SLC39A14: variants seen among roughly 807,000 people sequenced by gnomAD.
The protein encoded by SLC39A14 is solute carrier family 39 member 14.
Under a neutral mutation model 45.5 loss-of-function variants are expected in SLC39A14, and 19 were observed. The observed-to-expected ratio is 0.42, with a 90% CI of 0.29 to 0.61. The LOEUF (loss-of-function observed/expected upper bound fraction) is 0.61. Among genes scored for constraint, SLC39A14 ranks in the 20% least tolerant of loss-of-function variants. SLC39A14 has a pLI of 0.22. For synonymous variants in SLC39A14, 264 were observed against 251.3 expected (o/e 1.05, Z -0.48); for missense variants, 447 against 616.5 (o/e 0.73, Z 2.91).
intron 3 of SLC39A14, among the ~76,000 whole-genome samples, chr8:22,411,668 C>T (rs944675650): frequency 6.6e-6 from 1 of 152,166 alleles, no homozygotes; most frequent in Admixed American, 6.5e-5. Flanking sequence ...CTGGGCAGAC[C>T]TTGGGTGTGT....
intron 1 of SLC39A14, chr8:22,390,431 G>C (rs1016147186): frequency 1.3e-5 from 2 of 151,278 alleles, no homozygotes; most frequent in African/African-American, 4.9e-5. Flanking sequence ...TCAGCCTCCC[G>C]AATAGCTGGG....
At chr8:22,410,717 T>A (rs1835520765) in intron 3 of SLC39A14, among the ~76,000 whole-genome samples, 1 of 152,246 alleles carries the variant, frequency 6.6e-6, no homozygotes, top group Admixed American at 6.5e-5. Context: ...CTTGACTTTT[T>A]TCTGATAGGA....
intron 8 of SLC39A14, among the ~76,000 whole-genome samples, chr8:22,431,017 T>A (rs1288279031): frequency 1.4e-5 from 2 of 147,672 alleles, no homozygotes; most frequent in East Asian, 4.0e-4. Context: ...TGATGGAGTC[T>A]CCCTCTGTTG....
chr8:22,394,845 G>A (rs1023563853), intron 1 of SLC39A14, among the ~76,000 whole-genome samples: 2 of 152,070 alleles, frequency 1.3e-5, no homozygotes, highest in African/African-American at 4.8e-5. Flanking sequence ...GTGTTGGCTG[G>A]GGATCATATT....
rs1330931212 is a variant in SLC39A14, at chr8:22,388,515, T to C, written c.-15-16181T>C. ...AGGCAGAAGGGCCATAGCACATTGCTGGAGGGACGGAGTGTTGGGAGGTTG... is the reference window on the plus strand; with the variant it reads ...AGGCAGAAGGGCCATAGCACATTGCCGGAGGGACGGAGTGTTGGGAGGTTG... On this transcript the variant is annotated intron_variant, in intron 1 of 8. Coordinates refer to ENST00000381237, the MANE Select transcript of SLC39A14 (RefSeq NM_001128431.4). 2.4e-5 allele frequency among the ~76,000 whole-genome samples: 3 copies of C among 122,704 alleles called. No individual in the cohort carries two copies. The East Asian group carries it at 7.1e-4, about 29-fold the overall frequency. The allele number at this position is 122,704 out of a possible 152,430, so 80.5% of individuals were successfully genotyped here.
intron 1 of SLC39A14, among the ~76,000 whole-genome samples, chr8:22,376,161 TCA>T (rs1346077021): frequency 2.6e-5 from 4 of 152,048 alleles, no homozygotes; most frequent in Admixed American, 6.6e-5. Flanking sequence ...ATTCATCATG[TCA>T]CAGTTTTTTG....
At chr8:22,427,512 GA>G (rs796607100), downstream of SLC39A14, among the ~76,000 whole-genome samples, 1,911 of 142,268 alleles carry the variant, frequency 0.013, 40 homozygotes, top group African/African-American at 0.043. Context: ...TGCTAGTAAG[GA>G]AAAAAAAAAA....
chr8:22,420,630 G>T lies in SLC39A14; in HGVS notation c.*932G>T. On this transcript the variant is annotated 3_prime_UTR_variant, in exon 9 of 9. Coordinates refer to ENST00000381237, the MANE Select transcript of SLC39A14 (RefSeq NM_001128431.4). ...AGACTGCACAAACTATCCTCCCCCA[G>T]GTTGAGACGTCTGCAGAGTGGCAAG... is the stretch of plus-strand genomic sequence containing the variant. 1 of 985,416 alleles carries T rather than the reference G, an allele frequency of 1.0e-6. No individual in the cohort carries two copies. The allele number at this position is 985,416 out of a possible 1,614,324, so 61.0% of individuals were successfully genotyped here. A position where few individuals can be genotyped will look rare whatever the true frequency, so the allele number is the denominator to read the frequency against.
At position 22,367,326 on chromosome 8, in the gene SLC39A14, C is replaced by G. The variant is rs1038180555; in HGVS notation, c.-98C>G. ...GGCGCGCGTGTCTACGCGGACGCAC[C>G]GGCTAAGCTGCTTCTGCCGCCGCCG... On this transcript the variant is annotated 5_prime_UTR_variant, in exon 1 of 9. Transcript: ENST00000381237. This position sits in a 1 kb window ranked among gnomAD's most constrained non-coding sequence, Gnocchi z 4.2. The G allele has an allele frequency of 6.6e-6, 1 of 151,764 alleles. No individual in the cohort carries two copies. Among genetic ancestry groups the G allele is most frequent in the South Asian group, 2.1e-4 (1 of 4,838 alleles). The allele number at this position is 151,764 out of a possible 1,614,324, so 9.4% of individuals were successfully genotyped here. A position where few individuals can be genotyped will look rare whatever the true frequency, so the allele number is the denominator to read the frequency against.
intron 1 of SLC39A14, chr8:22,390,684 C>T (rs35004021): frequency 0.028 from 4,553 of 160,604 alleles, 115 homozygotes; most frequent in Non-Finnish European, 0.045. Flanking sequence ...GATGGTGGTT[C>T]CAGCTGAAAG....
At chr8:22,389,696 T>A (rs998773792) in intron 1 of SLC39A14, among the ~76,000 whole-genome samples, 2 of 152,126 alleles carry the variant, frequency 1.3e-5, no homozygotes, top group Non-Finnish European at 2.9e-5. Flanking sequence ...AGGGGGGCTA[T>A]CAGTCATTTT....
intron 7 of SLC39A14, 66 bp downstream of exon 7, chr8:22,416,346 C>G: frequency 7.2e-7 from 1 of 1,381,756 alleles, no homozygotes; most frequent in East Asian, 2.3e-5. Flanking sequence ...CTTCCTGTGG[C>G]CGGTTCCTTG....
At chr8:22,426,000 T>A (rs1030448327), downstream of SLC39A14, among the ~76,000 whole-genome samples, 1 of 151,720 alleles carries the variant, frequency 6.6e-6, no homozygotes, top group African/African-American at 2.4e-5. Context: ...CAAGCGATTC[T>A]CCTGTCTCAG....
At chr8:22,409,197 A>G (rs953304246) in intron 3 of SLC39A14, among the ~76,000 whole-genome samples, 4 of 151,766 alleles carry the variant, frequency 2.6e-5, no homozygotes, top group Non-Finnish European at 5.9e-5. Flanking sequence ...TCCCCTCCCT[A>G]TCCCGGTATC....
intron 4 of SLC39A14, 138 bp from the exon 5 acceptor site, chr8:22,414,642 A>T: frequency 1.2e-6 from 1 of 857,672 alleles, no homozygotes; most frequent in Non-Finnish European, 1.7e-6. Flanking sequence ...TGCTGGAAAG[A>T]GGATGGGTAG....
At chr8:22,371,929 G>A (rs533249141) in intron 1 of SLC39A14, among the ~76,000 whole-genome samples, 1 of 151,400 alleles carries the variant, frequency 6.6e-6, no homozygotes, top group East Asian at 1.9e-4. Context: ...ATTTTTAGTA[G>A]AGACGAGGTT....
In SLC39A14 at chr8:22,419,913, C is replaced by A; in HGVS notation, c.*215C>A. 8.0e-7 allele frequency: 1 copy of A among 1,248,604 alleles called. No homozygotes were observed. Among genetic ancestry groups the A allele is most frequent in the Non-Finnish European group, 1.0e-6 (1 of 995,768 alleles). 77.3% of individuals were successfully genotyped at this position (1,248,604 alleles called of 1,614,324 possible). On this transcript the variant is annotated 3_prime_UTR_variant, in exon 9 of 9. Transcript: ENST00000381237. Reference sequence around the variant, plus strand: ...CCAGTCTCTAGCTAGTGCCTCTTGCCCTCTCCTCACCTCCTTTTCTCTCAG... The same window carrying A: ...CCAGTCTCTAGCTAGTGCCTCTTGCACTCTCCTCACCTCCTTTTCTCTCAG...
chr8:22,408,275 G>T, intron 2 of SLC39A14, 35 bp from the exon 3 acceptor site: 2 of 1,595,760 alleles, frequency 1.3e-6, no homozygotes, highest in South Asian at 1.1e-5. Flanking sequence ...TGACCTTTGG[G>T]GTCTAAGCGG....
intron 1 of SLC39A14, among the ~76,000 whole-genome samples, chr8:22,400,700 A>G (rs1359943639): frequency 2.6e-5 from 4 of 152,218 alleles, no homozygotes; most frequent in Non-Finnish European, 5.9e-5. Flanking sequence ...TTATGTCCCC[A>G]GATTCTGTGC....
Sources: gnomAD v4.1 joint callset for allele counts (sites outside exome capture counted in the v4.1 genomes callset) on GRCh38, gnomAD v4.1.1 for gene constraint, Gnocchi (gnomAD v3.1) non-coding constraint, MANE v1.5 for transcripts, NCBI Gene and HGNC (gene_info 2026-07-23, HGNC 2026-07-21) for gene names.